Variants in UXS1 observed in about 807,000 individuals in gnomAD.
UXS1 encodes UDP-glucuronic acid decarboxylase 1.
In UXS1, 33 loss-of-function variants were observed where a neutral mutation model predicts 62.6. That is an observed-to-expected ratio of 0.53 (90% CI 0.40 to 0.70). The LOEUF (loss-of-function observed/expected upper bound fraction) is 0.70. Among genes scored for constraint, UXS1 ranks in the 30% least tolerant of loss-of-function variants. The pLI, the probability that UXS1 is intolerant of heterozygous loss-of-function variation, is 0.00. For missense variants in UXS1, 434 were observed against 556.3 expected (o/e 0.78, Z 2.21); for synonymous variants, 213 against 206.8 (o/e 1.03, Z -0.26).
chr2:106,152,850 A>C (rs1479652579), intron 5 of UXS1, among the ~76,000 whole-genome samples: 1 of 146,944 alleles, frequency 6.8e-6, no homozygotes, highest in Non-Finnish European at 1.5e-5. Flanking sequence ...AGAAGGGAGA[A>C]GTTCCATGCC....
chr2:106,182,388 T>C (rs753000912), intron 1 of UXS1, among the ~76,000 whole-genome samples: 3 of 152,240 alleles, frequency 2.0e-5, no homozygotes, highest in African/African-American at 4.8e-5. Context: ...CAATTTAATA[T>C]GCAGAAATTA....
rs1157614594 is a variant in UXS1, at chr2:106,094,120, T to C, written c.1184A>G (p.Tyr395Cys). 1 of 1,613,036 alleles carries C rather than the reference T, an allele frequency of 6.2e-7. No homozygotes were observed. The highest frequency in any genetic ancestry group is 1.7e-5 in the Admixed American group (1 of 59,866). Reference sequence around the variant, plus strand: ...CTGGTACTCGAGTTCTTTACGGAAGTAGTGAATTGCTTTGTTTAAACCTTC... The same window carrying C: ...CTGGTACTCGAGTTCTTTACGGAAGCAGTGAATTGCTTTGTTTAAACCTTC... ...LEEGLNKAIH[Y>C]FRKELEYQAN... The change falls in exon 15 of 15, where the codon TAC becomes TGC. Residue 395 changes from tyrosine to cysteine, a missense_variant. Transcript: ENST00000283148.
chr2:106,194,077 A>G, intron 1 of UXS1, 71 bp downstream of exon 1: 1 of 1,287,838 alleles, frequency 7.8e-7, no homozygotes, highest in Non-Finnish European at 1.0e-6. Flanking sequence ...GCCCCGAACC[A>G]CCGCCGCCCG....
chr2:106,138,909 G>C, intron 6 of UXS1: 4 of 982,208 alleles, frequency 4.1e-6, no homozygotes, highest in Non-Finnish European at 4.8e-6. Flanking sequence ...AGAGTCTGTT[G>C]GTTAAATAAT....
chr2:106,124,886 T>C (rs1679801203), intron 8 of UXS1, among the ~76,000 whole-genome samples: 1 of 152,222 alleles, frequency 6.6e-6, no homozygotes, highest in African/African-American at 2.4e-5. Flanking sequence ...TCTCTTCTGA[T>C]TTTACCCTCT....
chr2:106,163,329 G>C (rs149061167), intron 4 of UXS1, among the ~76,000 whole-genome samples: 8 of 152,144 alleles, frequency 5.3e-5, no homozygotes, highest in Admixed American at 4.6e-4. Context: ...TTTGCATATG[G>C]TACATTTCAG....
In UXS1 at chr2:106,144,729, C is replaced by T. The variant is rs986987736; in HGVS notation, c.472+461G>A. Among the ~76,000 whole-genome samples, 5 of 152,178 alleles carry T rather than the reference C, an allele frequency of 3.3e-5. 1 individual carries two copies. Among genetic ancestry groups the T allele is most frequent in the African/African-American group, 4.8e-5 (2 of 41,430 alleles). ...GGTTCATATATGCATCTTCTCGCCACGTCCTCACACGGTGGAAAGGCCAAC... is the reference window on the plus strand; with the variant it reads ...GGTTCATATATGCATCTTCTCGCCATGTCCTCACACGGTGGAAAGGCCAAC... On this transcript the variant is annotated intron_variant, in intron 6 of 14. Coordinates refer to ENST00000283148, the MANE Select transcript of UXS1 (RefSeq NM_001253875.2).
At chr2:106,158,158 A>T (rs771811780) in intron 4 of UXS1, 40 bp from the exon 5 acceptor site, 1 of 1,470,898 alleles carries the variant, frequency 6.8e-7, no homozygotes, top group East Asian at 2.5e-5. Context: ...AAAGTCAAAC[A>T]TCTCATTTGA....
chr2:106,126,793 C>T (rs1157303611), intron 7 of UXS1, among the ~76,000 whole-genome samples: 1 of 152,130 alleles, frequency 6.6e-6, no homozygotes, highest in Non-Finnish European at 1.5e-5. Context: ...AGGACATTGA[C>T]ATTGATATGA....
chr2:106,134,302 G>C (rs1680563598), intron 6 of UXS1, among the ~76,000 whole-genome samples: 2 of 98,642 alleles, frequency 2.0e-5, no homozygotes, highest in South Asian at 8.2e-4. Flanking sequence ...AGGACCAGAT[G>C]GATTCACAGC....
At chr2:106,181,581 T>C (rs1684247460) in intron 1 of UXS1, among the ~76,000 whole-genome samples, 1 of 152,082 alleles carries the variant, frequency 6.6e-6, no homozygotes, top group South Asian at 2.1e-4. Context: ...TAGCCGGGCA[T>C]GGTGGCGTGC....
chr2:106,192,669 G>A (rs949579922), intron 1 of UXS1, among the ~76,000 whole-genome samples: 1 of 152,058 alleles, frequency 6.6e-6, no homozygotes, highest in South Asian at 2.1e-4. Flanking sequence ...GCTGTTCGAA[G>A]ACCTGGGTTC....
intron 1 of UXS1, among the ~76,000 whole-genome samples, chr2:106,189,749 A>G (rs1044479397): frequency 2.0e-5 from 3 of 152,238 alleles, no homozygotes; most frequent in African/African-American, 7.2e-5. Context: ...ACTGGAGGCC[A>G]AAAAGGATTG....
intron 10 of UXS1, among the ~76,000 whole-genome samples, chr2:106,107,369 A>G (rs1191790645): frequency 1.3e-5 from 2 of 152,206 alleles, no homozygotes; most frequent in Non-Finnish European, 2.9e-5. Flanking sequence ...AGGCTCACTC[A>G]TCAGAGCAGC....
Position 106,165,276 on chromosome 2 carries a change from C to T in UXS1, c.123-477G>A, listed in dbSNP as rs996896551. Among the ~76,000 whole-genome samples, 11 of 152,242 alleles carry T rather than the reference C, an allele frequency of 7.2e-5. No homozygotes were observed. The South Asian group carries it at 1.5e-3, about 20-fold the overall frequency. Reference sequence around the variant, plus strand: ...CATGCCCTGGTGGTAGGAATCAAATCGACACCATCCCACCCACCTTGCAAA... The same window carrying T: ...CATGCCCTGGTGGTAGGAATCAAATTGACACCATCCCACCCACCTTGCAAA... On this transcript the variant is annotated intron_variant, in intron 2 of 14. Coordinates refer to ENST00000283148, the MANE Select transcript of UXS1 (RefSeq NM_001253875.2).
intron 8 of UXS1, among the ~76,000 whole-genome samples, chr2:106,123,401 T>A (rs189219424): frequency 1.3e-5 from 2 of 152,198 alleles, no homozygotes; most frequent in Admixed American, 1.3e-4. Flanking sequence ...TACAATTAAA[T>A]AGAATCTATG....
intron 5 of UXS1, 80 bp from the exon 6 acceptor site, chr2:106,145,450 A>G: frequency 6.8e-7 from 1 of 1,470,638 alleles, no homozygotes; most frequent in South Asian, 1.4e-5. Flanking sequence ...ACGGAGAGAC[A>G]TCTCTGGTGC....
rs1311471309 is a variant in UXS1, at chr2:106,194,149, G to C, written c.93C>G (p.Ala31=). 6.8e-7 allele frequency: 1 copy of C among 1,479,228 alleles called. No homozygotes were observed. Among genetic ancestry groups the C allele is most frequent in the Admixed American group, 2.3e-5 (1 of 43,982 alleles). The allele number at this position is 1,479,228 out of a possible 1,614,324, so 91.6% of individuals were successfully genotyped here. A position where few individuals can be genotyped will look rare whatever the true frequency, so the allele number is the denominator to read the frequency against. The change falls in exon 1 of 15, where the codon GCC becomes GCG. Residue 31 remains alanine, a splice_region_variant and synonymous_variant. Coordinates refer to ENST00000283148, the MANE Select transcript of UXS1 (RefSeq NM_001253875.2). ...LLGIALLAYV[A]SVWGNFVNMS... is the part of the protein sequence containing the mutation. ...AGCTGGCAGCGGGCGCGCACTCACA[G>C]GCGACGTAGGCCAGCAAGGCGATGC...
intron 8 of UXS1, among the ~76,000 whole-genome samples, chr2:106,123,299 GGAAAAAAAAA>G (rs1558698420): frequency 6.8e-6 from 1 of 146,904 alleles, no homozygotes; most frequent in African/African-American, 2.5e-5. Flanking sequence ...TACTTACAGG[GGAAAAAAAAA>G]AAGAAAAAGA....
Sources: gnomAD v4.1 joint callset for allele counts (sites outside exome capture counted in the v4.1 genomes callset) on GRCh38, gnomAD v4.1.1 for gene constraint, MANE v1.5 for transcripts, NCBI Gene and HGNC (gene_info 2026-07-23, HGNC 2026-07-21) for gene names.